The following DERPC variants were observed in gnomAD, a reference collection of about 807,000 sequenced individuals.
The protein encoded by DERPC is DERPC proline and glycine rich nuclear protein, also known as decreased expression in renal and prostate cancer protein.
Under a neutral mutation model 7.2 loss-of-function variants are expected in DERPC, and 1 was observed. The observed-to-expected ratio is 0.14, with a 90% CI of 0.05 to 0.66. The LOEUF is 0.66. Ranked by LOEUF, DERPC falls within the 30% of genes least tolerant of loss-of-function variation. The pLI, the probability that DERPC is intolerant of heterozygous loss-of-function variation, is 0.84. For synonymous variants in DERPC, 185 were observed against 117.6 expected (o/e 1.57, Z -3.71); for missense variants, 502 against 299.4 (o/e 1.68, Z -4.99).
chr16:69,120,559 G>A lies in DERPC; in HGVS notation c.-131C>T, dbSNP rs1251945225. Reference sequence around the variant, plus strand: ...AGCTCATCACAGTCCTGATCCCCAGGAGTGTGTTTGACAAGGACTGCAAAA... The same window carrying A: ...AGCTCATCACAGTCCTGATCCCCAGAAGTGTGTTTGACAAGGACTGCAAAA... On this transcript the variant is annotated 5_prime_UTR_variant, in exon 3 of 3. Coordinates refer to ENST00000519520, the MANE Select transcript of DERPC (RefSeq NM_001002847.4). The surrounding 1 kb of genome is among the most constrained non-coding windows in gnomAD (Gnocchi z 4.0). 2 of 1,614,048 alleles carry A rather than the reference G, an allele frequency of 1.2e-6. No individual in the cohort carries two copies. Among genetic ancestry groups the A allele is most frequent in the Non-Finnish European group, 8.5e-7 (1 of 1,180,036 alleles).
chr16:69,124,287 G>A (rs535868505), intron 1 of DERPC, among the ~76,000 whole-genome samples: 1 of 152,236 alleles, frequency 6.6e-6, no homozygotes, highest in South Asian at 2.1e-4. Context: ...TACAGCTTCT[G>A]GCTAAGTACT....
chr16:69,128,380 CAG>C (rs1267871296), intron 1 of DERPC, among the ~76,000 whole-genome samples: 1 of 152,174 alleles, frequency 6.6e-6, no homozygotes, highest in African/African-American at 2.4e-5. Context: ...AGTGTGGTAT[CAG>C]ACTCACAGGC....
chr16:69,131,158 CT>C (rs2152273856), intron 1 of DERPC: 1 of 152,206 alleles, frequency 6.6e-6, no homozygotes, highest in East Asian at 1.9e-4. Flanking sequence ...CAAAAAGGGG[CT>C]TATGGAGGGT....
At chr16:69,126,362 GA>G (rs1962056535) in intron 1 of DERPC, among the ~76,000 whole-genome samples, 1 of 152,152 alleles carries the variant, frequency 6.6e-6, no homozygotes, top group Non-Finnish European at 1.5e-5. Flanking sequence ...CAATGGTGTC[GA>G]AAACACATTT....
chr16:69,123,752 C>T (rs112659691), intron 1 of DERPC, among the ~76,000 whole-genome samples: 19 of 152,182 alleles, frequency 1.2e-4, no homozygotes, highest in African/African-American at 3.6e-4. Context: ...CAAAAGCTTT[C>T]ACCACCTTTC....
intron 1 of DERPC, among the ~76,000 whole-genome samples, chr16:69,129,415 G>A (rs1962327711): frequency 7.6e-6 from 1 of 130,838 alleles, no homozygotes; most frequent in Admixed American, 8.6e-5. Context: ...AGGCAACAGA[G>A]CGAGACTCCG....
intron 1 of DERPC, chr16:69,132,073 C>T: frequency 6.5e-6 from 1 of 154,492 alleles, no homozygotes; most frequent in Non-Finnish European, 1.4e-5. Flanking sequence ...CGGGAAGAGC[C>T]CCTTCCCGCA....
intron 1 of DERPC, among the ~76,000 whole-genome samples, chr16:69,130,468 T>C (rs1283532754): frequency 6.6e-6 from 1 of 152,248 alleles, no homozygotes; most frequent in Non-Finnish European, 1.5e-5. Flanking sequence ...CTTTTGTTTT[T>C]TGATCCCAGG....
rs1243918466 is a variant in DERPC at position 69,118,934 on chromosome 16, G to A, written c.1495C>T (p.Pro499Ser). ...GGGAAAGCAGCTGGGTTTGTGCCAG[G>A]GAGGCTCCCCACTCTAGGAAATGGG... Reference protein sequence around the residue: ...FVPFPRVGSLPGTNPAAFPRP... With the variant: ...FVPFPRVGSLSGTNPAAFPRP... Residue 499 changes from proline (P) to serine (S), a missense_variant, in exon 3 of 3, where the codon CCT becomes TCT. Physicochemically the swap from Pro to Ser is moderately conservative, Grantham distance 74. Transcript: ENST00000519520. The A allele has an allele frequency of 1.4e-6, 1 of 703,060 alleles. No individual in the cohort carries two copies. Among genetic ancestry groups the A allele is most frequent in the Non-Finnish European group, 2.6e-6 (1 of 385,014 alleles). 43.6% of individuals were successfully genotyped at this position (703,060 alleles called of 1,614,324 possible).
rs778121818 is a variant in DERPC at position 69,120,967 on chromosome 16, C to T, written c.-221-318G>A. ...TAGGCCTTGAATAACAAACCTGAGG[C>T]AGTCCTCACTCTGGGTCCTGGGAGC... On this transcript the variant is annotated intron_variant, in intron 2 of 2. Transcript: ENST00000519520. This position sits in a 1 kb window ranked among gnomAD's most constrained non-coding sequence, Gnocchi z 4.0. 2.7e-6 allele frequency: 3 copies of T among 1,110,382 alleles called. No homozygotes were observed. The East Asian group carries it at 7.0e-5, about 26-fold the overall frequency. 68.8% of individuals were successfully genotyped at this position (1,110,382 alleles called of 1,614,324 possible).
Position 69,119,764 on chromosome 16 carries a change from G to A in DERPC, c.665C>T (p.Pro222Leu), listed in dbSNP as rs1961482407. Residue 222 changes from proline (P) to leucine (L), a missense_variant, in exon 3 of 3, where the codon CCT becomes CTT. Physicochemically the swap from Pro to Leu is moderately conservative, Grantham distance 98. Coordinates refer to ENST00000519520, the MANE Select transcript of DERPC (RefSeq NM_001002847.4). ...TGGAAACACACCTGACCTGGGGGCA[G>A]GGTTTGTCCCTAAAAAGCCTGATCT... is the stretch of plus-strand genomic sequence containing the variant. ...NLRSGFLGTN[P>L]APRSGVFPGP... is the part of the protein sequence containing the mutation. 1 of 698,008 alleles carries A rather than the reference G, an allele frequency of 1.4e-6. No homozygotes were observed. The highest frequency in any genetic ancestry group is 1.5e-5 in the South Asian group (1 of 67,488). 43.2% of individuals were successfully genotyped at this position (698,008 alleles called of 1,614,324 possible). A position where few individuals can be genotyped will look rare whatever the true frequency, so the allele number is the denominator to read the frequency against.
chr16:69,129,089 CA>C (rs768378198), intron 1 of DERPC, among the ~76,000 whole-genome samples: 7 of 144,446 alleles, frequency 4.8e-5, no homozygotes, highest in East Asian at 4.0e-4. Flanking sequence ...TGAAACAAAA[CA>C]AAAAAAAAAC....
chr16:69,129,429 C>CAAAA (rs11420871), intron 1 of DERPC, among the ~76,000 whole-genome samples: 17 of 75,520 alleles, frequency 2.3e-4, no homozygotes, highest in East Asian at 5.0e-4. Flanking sequence ...GACTCCGTCA[C>CAAAA]AAAAAAAAAA....
At chr16:69,126,942 A>C (rs1016323616) in intron 1 of DERPC, among the ~76,000 whole-genome samples, 6 of 152,196 alleles carry the variant, frequency 3.9e-5, no homozygotes, top group Non-Finnish European at 8.8e-5. Flanking sequence ...CATTCAGTGT[A>C]GAATTGATTA....
At chr16:69,122,495 C>T (rs1402195052) in intron 1 of DERPC, among the ~76,000 whole-genome samples, 1 of 150,816 alleles carries the variant, frequency 6.6e-6, no homozygotes, top group Non-Finnish European at 1.5e-5. Flanking sequence ...GCCTCAGCCT[C>T]TTGAGTAGCT....
At chr16:69,122,735 T>C (rs1038476808) in intron 1 of DERPC, among the ~76,000 whole-genome samples, 1 of 151,730 alleles carries the variant, frequency 6.6e-6, no homozygotes, top group Non-Finnish European at 1.5e-5. Context: ...AGAGACGAGG[T>C]TTCTTCATGT....
Position 69,120,120 on chromosome 16 carries a change from A to C in DERPC, c.309T>G (p.Asn103Lys), listed in dbSNP as rs1171350133. The change falls in exon 3 of 3, where the codon AAT becomes AAG. Residue 103 changes from asparagine to lysine, a missense_variant. Physicochemically the swap from Asn to Lys is moderately conservative, Grantham distance 94 (BLOSUM62 0). Coordinates refer to ENST00000519520, the MANE Select transcript of DERPC (RefSeq NM_001002847.4). The surrounding 1 kb of genome is among the most constrained non-coding windows in gnomAD (Gnocchi z 4.0). ...PSMASFPRGM[N>K]PTGTGAVSFP... ...AAGAAACTGCACCTGTGCCAGTGGG[A>C]TTCATCCCTCTTGGAAAAGAAGCCA... is the stretch of plus-strand genomic sequence containing the variant. 1 of 701,264 alleles carries C rather than the reference A, an allele frequency of 1.4e-6. No individual in the cohort carries two copies. The highest frequency in any genetic ancestry group is 2.6e-6 in the Non-Finnish European group (1 of 384,810). 43.4% of individuals were successfully genotyped at this position (701,264 alleles called of 1,614,324 possible).
rs905104028 is a variant in DERPC, at chr16:69,119,650, C to T, written c.779G>A (p.Gly260Glu). The T allele has an allele frequency of 5.9e-6, 4 of 679,592 alleles. No homozygotes were observed. Among genetic ancestry groups the T allele is most frequent in the African/African-American group, 3.6e-5 (2 of 56,122 alleles). The allele number at this position is 679,592 out of a possible 1,614,324, so 42.1% of individuals were successfully genotyped here. ...AGCCATTCTTAAGTTAAGACCAGATCCTGTGCCCAAGAGGCCACCTGCTCT... is the reference window on the plus strand; with the variant it reads ...AGCCATTCTTAAGTTAAGACCAGATTCTGTGCCCAAGAGGCCACCTGCTCT... ...DARAGGLLGT[G>E]SGLNLRMAGP... Residue 260 changes from glycine to glutamate, a missense_variant, in exon 3 of 3, where the codon GGA (glycine) becomes GAA (glutamate). Gly to Glu is a moderately conservative substitution (Grantham distance 98). Coordinates refer to ENST00000519520, the MANE Select transcript of DERPC (RefSeq NM_001002847.4).
At chr16:69,130,244 G>C (rs1475855515) in intron 1 of DERPC, among the ~76,000 whole-genome samples, 1 of 152,112 alleles carries the variant, frequency 6.6e-6, no homozygotes, top group Non-Finnish European at 1.5e-5. Flanking sequence ...AAGAGGCTTT[G>C]ACTCAACGGT....
Sources: allele counts gnomAD v4.1 joint callset (sites outside exome capture counted in the v4.1 genomes callset), GRCh38; gene constraint gnomAD v4.1.1; non-coding constraint Gnocchi (gnomAD v3.1); transcripts MANE v1.5; gene names NCBI Gene and HGNC (gene_info 2026-07-23, HGNC 2026-07-21).